ATAD5: variants seen among roughly 807,000 people sequenced by gnomAD.
ATAD5 encodes ATPase family AAA domain-containing protein 5.
ATAD5 carries 58 observed loss-of-function variants against 176.9 expected under a neutral mutation model. That is an observed-to-expected ratio of 0.33 (90% CI 0.27 to 0.41). The LOEUF is 0.41. Ranked by LOEUF, ATAD5 falls within the 10% of genes least tolerant of loss-of-function variation. The pLI, the probability that ATAD5 is intolerant of heterozygous loss-of-function variation, is 1.00. For synonymous variants in ATAD5, 640 were observed against 712.6 expected (o/e 0.90, Z 1.62); for missense variants, 1,789 against 2,094.1 (o/e 0.85, Z 2.84).
At chr17:30,894,265 C>A in intron 21 of ATAD5, 115 bp downstream of exon 21, 1 of 930,694 alleles carries the variant, frequency 1.1e-6, no homozygotes, top group Non-Finnish European at 1.5e-6. Context: ...AAGCCCTTAA[C>A]ATTAATAATG....
chr17:30,878,127 C>T (rs1373563770), intron 17 of ATAD5, 31 bp downstream of exon 17: 1 of 1,425,136 alleles, frequency 7.0e-7, no homozygotes, highest in Non-Finnish European at 9.8e-7. Context: ...TTCAGTTAAA[C>T]AGTTACTCAA....
At chr17:30,848,769 G>A (rs1906689179) in intron 6 of ATAD5, among the ~76,000 whole-genome samples, 1 of 152,158 alleles carries the variant, frequency 6.6e-6, no homozygotes, top group Admixed American at 6.6e-5. Flanking sequence ...TTATATTAAT[G>A]AAATCATATA....
intron 6 of ATAD5, among the ~76,000 whole-genome samples, chr17:30,847,236 G>T (rs1384453478): frequency 1.3e-5 from 2 of 151,926 alleles, no homozygotes; most frequent in Non-Finnish European, 2.9e-5. Flanking sequence ...GTATACTTTT[G>T]TCTCTAGTTT....
rs1212935000 is a variant in ATAD5 at position 30,832,083 on chromosome 17, T to C, written c.-265T>C. On this transcript the variant is annotated 5_prime_UTR_variant, in exon 1 of 23. Coordinates refer to ENST00000321990, the MANE Select transcript of ATAD5 (RefSeq NM_024857.5). Reference sequence around the variant, plus strand: ...CCGAGCGCTCAGCCTGAAGCGCCGCTTTCGAGGGCACCCTGCATACACTGG... The same window carrying C: ...CCGAGCGCTCAGCCTGAAGCGCCGCCTTCGAGGGCACCCTGCATACACTGG... 5.2e-6 allele frequency: 2 copies of C among 384,606 alleles called. No individual in the cohort carries two copies. Among genetic ancestry groups the C allele is most frequent in the African/African-American group, 4.2e-5 (2 of 48,106 alleles). The allele number at this position is 384,606 out of a possible 1,614,324, so 23.8% of individuals were successfully genotyped here. A position where few individuals can be genotyped will look rare whatever the true frequency, so the allele number is the denominator to read the frequency against.
chr17:30,853,217 A>G (rs894683680), intron 6 of ATAD5, among the ~76,000 whole-genome samples: 7 of 152,034 alleles, frequency 4.6e-5, no homozygotes, highest in Non-Finnish European at 1.0e-4. Flanking sequence ...TTTGGAGGGG[A>G]CACACATCCA....
At chr17:30,888,564 A>G (rs1167697465) in intron 19 of ATAD5, among the ~76,000 whole-genome samples, 1 of 152,032 alleles carries the variant, frequency 6.6e-6, no homozygotes, top group Non-Finnish European at 1.5e-5. Context: ...TTTGCAGTCA[A>G]TGTGAGTAAA....
chr17:30,877,670 A>C, intron 16 of ATAD5, 121 bp downstream of exon 16: 1 of 1,056,408 alleles, frequency 9.5e-7, no homozygotes, highest in South Asian at 1.5e-5. Flanking sequence ...ACGTGTATCT[A>C]TTTGAAATTA....
intron 14 of ATAD5, among the ~76,000 whole-genome samples, chr17:30,870,705 C>T (rs890875343): frequency 6.6e-6 from 1 of 152,058 alleles, no homozygotes; most frequent in African/African-American, 2.4e-5. Context: ...TCCTAGCAAC[C>T]TTGACAGTTG....
intron 14 of ATAD5, among the ~76,000 whole-genome samples, chr17:30,870,702 A>G (rs1908286328): frequency 6.6e-6 from 1 of 152,210 alleles, no homozygotes; most frequent in Non-Finnish European, 1.5e-5. Flanking sequence ...GTGTCCTAGC[A>G]ACCTTGACAG....
intron 3 of ATAD5, 124 bp downstream of exon 3, chr17:30,837,438 T>G (rs1195169542): frequency 1.5e-6 from 1 of 658,606 alleles, no homozygotes; most frequent in Non-Finnish European, 2.6e-6. Flanking sequence ...CATAAATTGG[T>G]TAACTACAAC....
intron 3 of ATAD5, among the ~76,000 whole-genome samples, chr17:30,837,540 T>A (rs1905824369): frequency 6.6e-6 from 1 of 152,220 alleles, no homozygotes; most frequent in Admixed American, 6.5e-5. Context: ...AGAGTATAAT[T>A]TACTTATAAA....
intron 1 of ATAD5, among the ~76,000 whole-genome samples, chr17:30,832,897 T>A (rs1324817018): frequency 6.6e-6 from 1 of 152,236 alleles, no homozygotes; most frequent in Non-Finnish European, 1.5e-5. Flanking sequence ...TCTCATGGCT[T>A]AGTATCTGCG....
At chr17:30,870,129 A>G (rs190273985) in intron 14 of ATAD5, among the ~76,000 whole-genome samples, 2 of 152,286 alleles carry the variant, frequency 1.3e-5, no homozygotes, top group East Asian at 1.9e-4. Context: ...AAAAAGATCT[A>G]TTAACTATAT....
chr17:30,850,870 T>TATATATATATATA (rs71142003), intron 6 of ATAD5, among the ~76,000 whole-genome samples: 16 of 12,222 alleles, frequency 1.3e-3, no homozygotes, highest in Admixed American at 6.7e-3. Context: ...TATATATATA[T>TATATATATATATA]TTTTTTTTTT....
intron 14 of ATAD5, among the ~76,000 whole-genome samples, chr17:30,875,795 CAAA>C (rs55820733): frequency 8.0e-6 from 1 of 124,518 alleles, no homozygotes; most frequent in Non-Finnish European, 1.7e-5. Context: ...GACCCTGACT[CAAA>C]AAAAAAAAAA....
chr17:30,837,146 G>A, intron 2 of ATAD5, 60 bp from the exon 3 acceptor site: 1 of 947,862 alleles, frequency 1.1e-6, no homozygotes, highest in Non-Finnish European at 1.5e-6. Context: ...ATATTTAATT[G>A]AGATTCTTGT....
intron 21 of ATAD5, 75 bp downstream of exon 21, chr17:30,894,225 A>C (rs944046228): frequency 1.6e-6 from 2 of 1,255,262 alleles, no homozygotes; most frequent in South Asian, 3.2e-5. Context: ...TTTTTTCTTA[A>C]TTTAAAAATG....
At chr17:30,889,874 T>A (rs1909527481) in intron 19 of ATAD5, among the ~76,000 whole-genome samples, 1 of 147,778 alleles carries the variant, frequency 6.8e-6, no homozygotes, top group Non-Finnish European at 1.5e-5. Context: ...TCTTTTTTCT[T>A]TTCTTTTCTT....
At position 30,894,158 on chromosome 17, in the gene ATAD5, T is replaced by C. The variant is rs373037162; in HGVS notation, c.5297+8T>C. ...GTCAGCAGCTAATTTAGAGTAAGTC[T>C]TACTTCCTTTACTTTTTATTTTTTG... is the stretch of plus-strand genomic sequence containing the variant. On this transcript the variant is annotated splice_region_variant and intron_variant, in intron 21 of 22. Coordinates refer to ENST00000321990, the MANE Select transcript of ATAD5 (RefSeq NM_024857.5). 4.0e-6 allele frequency: 6 copies of C among 1,513,158 alleles called. No homozygotes were observed. The highest frequency in any genetic ancestry group is 5.3e-6 in the Non-Finnish European group (6 of 1,132,150). The allele number at this position is 1,513,158 out of a possible 1,614,324, so 93.7% of individuals were successfully genotyped here. A position where few individuals can be genotyped will look rare whatever the true frequency, so the allele number is the denominator to read the frequency against.
Sources: allele counts gnomAD v4.1 joint callset (sites outside exome capture counted in the v4.1 genomes callset), GRCh38; gene constraint gnomAD v4.1.1; transcripts MANE v1.5; gene names NCBI Gene and HGNC (gene_info 2026-07-23, HGNC 2026-07-21).